Variants in RIMS2 observed in about 807,000 individuals in gnomAD.
The protein encoded by RIMS2 is regulating synaptic membrane exocytosis protein 2.
Under a neutral mutation model 174.4 loss-of-function variants are expected in RIMS2, and 59 were observed. The ratio of observed to expected loss-of-function variants is 0.34; its 90% CI spans 0.27 to 0.42. The LOEUF is 0.42. Among genes scored for constraint, RIMS2 ranks in the 10% least tolerant of loss-of-function variants. RIMS2 has a pLI of 1.00. For missense variants in RIMS2, 1,620 were observed against 1,666.3 expected (o/e 0.97, Z 0.48); for synonymous variants, 606 against 572.5 (o/e 1.06, Z -0.84).
chr8:103,957,292 C>T (rs1239145643), intron 14 of RIMS2, among the ~76,000 whole-genome samples: 1 of 152,178 alleles, frequency 6.6e-6, no homozygotes, highest in East Asian at 1.9e-4. Context: ...TGTAAGGACA[C>T]ATGTACATGT....
At chr8:103,973,195 G>A (rs1565613307) in intron 15 of RIMS2, among the ~76,000 whole-genome samples, 1 of 152,202 alleles carries the variant, frequency 6.6e-6, no homozygotes, top group African/African-American at 2.4e-5. Flanking sequence ...CACAGTGAGA[G>A]CACTGGAGTC....
At chr8:103,651,006 C>T (rs563816880) in intron 1 of RIMS2, among the ~76,000 whole-genome samples, 14 of 152,282 alleles carry the variant, frequency 9.2e-5, no homozygotes, top group East Asian at 1.9e-4. Context: ...ATGCAGATTC[C>T]GGGGCCAAAG....
At chr8:104,199,448 G>A (rs2099043124) in intron 19 of RIMS2, among the ~76,000 whole-genome samples, 1 of 152,134 alleles carries the variant, frequency 6.6e-6, no homozygotes, top group African/African-American at 2.4e-5. Flanking sequence ...TCTTTCACAT[G>A]GGAATTTCAT....
chr8:103,753,714 G>A (rs1011817161), intron 2 of RIMS2, among the ~76,000 whole-genome samples: 4 of 152,100 alleles, frequency 2.6e-5, no homozygotes, highest in African/African-American at 9.7e-5. Flanking sequence ...ATGTATTTGT[G>A]TTGAAGTGTT....
At chr8:103,581,881 T>C (rs2093639245) in intron 1 of RIMS2, among the ~76,000 whole-genome samples, 2 of 152,118 alleles carry the variant, frequency 1.3e-5, no homozygotes, top group Admixed American at 1.3e-4. Flanking sequence ...AGGCAAGTCC[T>C]AGTACCGAAC....
intron 19 of RIMS2, among the ~76,000 whole-genome samples, chr8:104,147,061 T>A (rs1395092741): frequency 6.6e-6 from 1 of 152,190 alleles, no homozygotes; most frequent in East Asian, 1.9e-4. Flanking sequence ...ATAAAAAGCC[T>A]TAGTTTCTGT....
chr8:103,740,404 C>T (rs373552816), intron 2 of RIMS2, among the ~76,000 whole-genome samples: 3 of 152,112 alleles, frequency 2.0e-5, no homozygotes, highest in African/African-American at 2.4e-5. Flanking sequence ...TAGTAGGCAA[C>T]GCCTGGCTTA....
chr8:104,191,360 G>C (rs58315183), intron 19 of RIMS2, among the ~76,000 whole-genome samples: 17 of 152,140 alleles, frequency 1.1e-4, no homozygotes, highest in African/African-American at 4.1e-4. Context: ...AGGTATTTTT[G>C]TGGTGAAAAT....
At chr8:103,750,613 A>G (rs1198699780) in intron 2 of RIMS2, among the ~76,000 whole-genome samples, 1 of 152,086 alleles carries the variant, frequency 6.6e-6, no homozygotes, top group African/African-American at 2.4e-5. Flanking sequence ...CCAAGTAGAA[A>G]TCATTGGATC....
chr8:103,561,304 A>G (rs1358818205), intron 1 of RIMS2, among the ~76,000 whole-genome samples: 1 of 152,192 alleles, frequency 6.6e-6, no homozygotes, highest in Non-Finnish European at 1.5e-5. Context: ...ATTCCAAATG[A>G]CTATATATTT....
At chr8:103,508,737 G>A (rs1158162875) in intron 1 of RIMS2, among the ~76,000 whole-genome samples, 1 of 152,032 alleles carries the variant, frequency 6.6e-6, no homozygotes, top group African/African-American at 2.4e-5. Context: ...TAGAGATAAA[G>A]GCACTATTTA....
intron 2 of RIMS2, among the ~76,000 whole-genome samples, chr8:103,709,471 A>C (rs1378728322): frequency 6.6e-6 from 1 of 150,646 alleles, no homozygotes; most frequent in East Asian, 2.0e-4. Flanking sequence ...AGATGTAGTT[A>C]AGTTACATGG....
At chr8:103,929,543 G>A (rs2079487720) in intron 11 of RIMS2, among the ~76,000 whole-genome samples, 2 of 151,412 alleles carry the variant, frequency 1.3e-5, no homozygotes, top group Non-Finnish European at 3.0e-5. Flanking sequence ...TAATATTCAT[G>A]TCATGACCCT....
Position 104,061,046 on chromosome 8 carries a change from G to A in RIMS2, c.3334+46431G>A, listed in dbSNP as rs186355422. ...TGGTGCTGAAAAAAATGTATATTCC[G>A]TTGATTTGGTGTGGAGAGTTCTGTA... On this transcript the variant is annotated intron_variant, in intron 19 of 23. Transcript: ENST00000504942. Among the ~76,000 whole-genome samples the A allele has an allele frequency of 3.3e-4, 50 of 152,268 alleles. 1 individual carries two copies. The highest frequency in any genetic ancestry group is 1.1e-3 in the African/African-American group (44 of 41,560).
chr8:104,107,977 C>CCA (rs1555232676), intron 19 of RIMS2, among the ~76,000 whole-genome samples: 2 of 148,052 alleles, frequency 1.4e-5, no homozygotes, highest in Non-Finnish European at 3.0e-5. Flanking sequence ...GCCCCCCCCC[C>CCA]ACAATGGAAA....
In RIMS2 at chr8:104,143,253, TA is replaced by T. The variant is rs150403861; in HGVS notation, c.3335-101661del. Among the ~76,000 whole-genome samples, 362 of 152,354 alleles carry T rather than the reference TA, an allele frequency of 2.4e-3. 3 individuals are homozygous for T. The highest frequency in any genetic ancestry group is 3.6e-3 in the Non-Finnish European group (242 of 68,026). ...AAAATCATAGATGGTAATCTGAGTT[TA>T]AGTGAAATAAAGTTTATTTGTAGTA... On this transcript the variant is annotated intron_variant, in intron 19 of 23. Transcript: ENST00000504942.
intron 12 of RIMS2, among the ~76,000 whole-genome samples, chr8:103,932,164 C>T (rs1473119834): frequency 3.9e-5 from 6 of 152,182 alleles, no homozygotes; most frequent in Admixed American, 6.5e-5. Context: ...CTGCCTCCCA[C>T]GGCAGAGTGC....
At chr8:103,819,300 G>A in intron 3 of RIMS2, 3 of 1,382,282 alleles carry the variant, frequency 2.2e-6, no homozygotes, top group South Asian at 3.1e-5. Context: ...AAAGCTGCAC[G>A]GGTACTGAAT....
intron 3 of RIMS2, among the ~76,000 whole-genome samples, chr8:103,812,343 T>TTTTTG (rs1554843412): frequency 2.9e-5 from 4 of 140,168 alleles, no homozygotes; most frequent in Non-Finnish European, 6.1e-5. Flanking sequence ...TTTTTTTTTT[T>TTTTTG]TTTTTTTTTT....
Sources: allele counts gnomAD v4.1 joint callset (sites outside exome capture counted in the v4.1 genomes callset), GRCh38; gene constraint gnomAD v4.1.1; transcripts MANE v1.5; gene names NCBI Gene and HGNC (gene_info 2026-07-23, HGNC 2026-07-21).